Variants in USP4 observed in about 807,000 individuals in gnomAD.
USP4 encodes the protein ubiquitin carboxyl-terminal hydrolase 4.
USP4 carries 72 observed loss-of-function variants against 118.2 expected under a neutral mutation model. That is an observed-to-expected ratio of 0.61 (90% CI 0.50 to 0.74). USP4 has a LOEUF of 0.74. Ranked by LOEUF, USP4 falls within the 30% of genes least tolerant of loss-of-function variation. The pLI, the probability that USP4 is intolerant of heterozygous loss-of-function variation, is 0.00. For synonymous variants in USP4, 415 were observed against 440.4 expected (o/e 0.94, Z 0.72); for missense variants, 1,037 against 1,185.7 (o/e 0.87, Z 1.84).
intron 4 of USP4, 44 bp from the exon 5 acceptor site, chr3:49,325,083 A>C: frequency 1.9e-6 from 3 of 1,597,142 alleles, no homozygotes; most frequent in Non-Finnish European, 1.7e-6. Context: ...GTCCACATGC[A>C]AGGCTAAAGA....
chr3:49,325,129 T>C, intron 4 of USP4, 90 bp from the exon 5 acceptor site: 1 of 1,506,840 alleles, frequency 6.6e-7, no homozygotes, highest in Non-Finnish European at 9.0e-7. Flanking sequence ...CTCTTTCTTG[T>C]CAGATGCTCA....
intron 2 of USP4, 69 bp from the exon 3 acceptor site, chr3:49,327,885 A>G: frequency 7.0e-7 from 1 of 1,433,238 alleles, no homozygotes; most frequent in Non-Finnish European, 9.6e-7. Flanking sequence ...CATGATTTCC[A>G]TGTACTTTTC....
In USP4 at chr3:49,290,078, C is replaced by A. The variant is rs147380408; in HGVS notation, c.1972+2432G>T. Reference sequence around the variant, plus strand: ...TCAAGGCTGCAGTGAGCCATGATTGCGCCACTGTATTCCAGCCATATTCAA... The same window carrying A: ...TCAAGGCTGCAGTGAGCCATGATTGAGCCACTGTATTCCAGCCATATTCAA... On this transcript the variant is annotated intron_variant, in intron 15 of 21. Coordinates refer to ENST00000265560, the MANE Select transcript of USP4 (RefSeq NM_003363.4). Among the ~76,000 whole-genome samples the A allele has an allele frequency of 1.1e-4, 17 of 152,054 alleles. No individual in the cohort carries two copies. The East Asian group carries it at 2.9e-3, about 26-fold the overall frequency.
Position 49,311,473 on chromosome 3 carries a change from G to T in USP4, c.836+41C>A, listed in dbSNP as rs750361414. On this transcript the variant is annotated intron_variant, in intron 7 of 21. Coordinates refer to ENST00000265560, the MANE Select transcript of USP4 (RefSeq NM_003363.4). ...GCTCTCAAGATACAGCCTGGGAAAG[G>T]ACCACGGGAAAGGAAGCAGAGTGAA... 2.5e-6 allele frequency: 4 copies of T among 1,605,226 alleles called. No homozygotes were observed. The African/African-American group carries it at 5.4e-5, about 21-fold the overall frequency.
In USP4 at chr3:49,302,436, A is replaced by G; in HGVS notation, c.1235T>C (p.Val412Ala). Residue 412 changes from valine to alanine, a missense_variant, in exon 10 of 22, where the codon GTA becomes GCA. By Grantham distance (64) the Val-to-Ala change is moderately conservative. This residue lies in a region of USP4 where 487 missense variants were observed against 534.1 expected (regional missense o/e 0.91). Coordinates refer to ENST00000265560, the MANE Select transcript of USP4 (RefSeq NM_003363.4). ...LDGLHEDLNRVKKKPYLELKD... is the reference protein window; with the variant it reads ...LDGLHEDLNRAKKKPYLELKD... Reference sequence around the variant, plus strand: ...CAGCTCCAAGTAGGGCTTTTTCTTTACCCGGTTCAGATCTTCATGCAATCC... The same window carrying G: ...CAGCTCCAAGTAGGGCTTTTTCTTTGCCCGGTTCAGATCTTCATGCAATCC... The G allele has an allele frequency of 6.2e-7, 1 of 1,614,094 alleles. No individual in the cohort carries two copies. The highest frequency in any genetic ancestry group is 8.5e-7 in the Non-Finnish European group (1 of 1,180,008).
At chr3:49,281,467 A>G (rs904093024) in intron 19 of USP4, among the ~76,000 whole-genome samples, 1 of 143,970 alleles carries the variant, frequency 6.9e-6, no homozygotes, top group Non-Finnish European at 1.5e-5. Flanking sequence ...AAAAAGAAAA[A>G]AAGTATGTGT....
intron 2 of USP4, among the ~76,000 whole-genome samples, chr3:49,330,004 G>A (rs1002393033): frequency 5.3e-5 from 8 of 151,858 alleles, no homozygotes; most frequent in African/African-American, 1.9e-4. Flanking sequence ...GCCAGGTGGA[G>A]GGACGGGCAC....
chr3:49,319,835 T>C (rs559855030), intron 6 of USP4, among the ~76,000 whole-genome samples: 1 of 151,446 alleles, frequency 6.6e-6, no homozygotes, highest in Admixed American at 6.6e-5. Context: ...AGGCTGGTCT[T>C]GAACTCCTGA....
rs1209605474 is a variant in USP4 at position 49,302,604 on chromosome 3, G to T, written c.1129-62C>A. The T allele has an allele frequency of 2.6e-6, 4 of 1,534,216 alleles. No individual in the cohort carries two copies. In the East Asian group the frequency reaches 6.8e-5, roughly 26 times the overall value. ...GTAAAGAACTAGTTAAATCAAAAAA[G>T]AATTGCCATCAAAAATAGCTCTGAG... On this transcript the variant is annotated intron_variant, in intron 9 of 21. Coordinates refer to ENST00000265560, the MANE Select transcript of USP4 (RefSeq NM_003363.4).
At chr3:49,331,398 A>G (rs1433708111) in intron 2 of USP4, among the ~76,000 whole-genome samples, 1 of 151,910 alleles carries the variant, frequency 6.6e-6, no homozygotes, top group Non-Finnish European at 1.5e-5. Flanking sequence ...AGGCGGGTGG[A>G]TCACTTGAGG....
intron 8 of USP4, 129 bp downstream of exon 8, chr3:49,310,491 G>A: frequency 1.3e-6 from 1 of 777,764 alleles, no homozygotes; most frequent in Non-Finnish European, 2.3e-6. Flanking sequence ...TGCCCTAGCA[G>A]AGACTACTGA....
intron 2 of USP4, among the ~76,000 whole-genome samples, chr3:49,333,713 A>C (rs2047642547): frequency 6.6e-6 from 1 of 152,178 alleles, no homozygotes; most frequent in South Asian, 2.1e-4. Flanking sequence ...TCCCTTCATG[A>C]TGCCCCAAAA....
intron 15 of USP4, among the ~76,000 whole-genome samples, chr3:49,289,931 CCTTG>C (rs1575602634): frequency 6.6e-6 from 1 of 151,968 alleles, no homozygotes; most frequent in African/African-American, 2.4e-5. Context: ...CATGGGAAAA[CCTTG>C]CTTGTCTCCA....
At chr3:49,286,841 T>TCTATCTATCTAA (rs2047095862) in intron 15 of USP4, among the ~76,000 whole-genome samples, 1 of 151,430 alleles carries the variant, frequency 6.6e-6, no homozygotes, top group South Asian at 2.1e-4. Context: ...TATCTATCTA[T>TCTATCTATCTAA]CTATCTATCT....
intron 3 of USP4, among the ~76,000 whole-genome samples, chr3:49,327,037 A>G (rs566047124): frequency 3.9e-5 from 6 of 152,120 alleles, no homozygotes; most frequent in Admixed American, 6.6e-5. Flanking sequence ...GCAGTATCAT[A>G]AAGGTTTTTT....
At chr3:49,281,174 A>G (rs1427469244) in intron 19 of USP4, among the ~76,000 whole-genome samples, 1 of 151,912 alleles carries the variant, frequency 6.6e-6, no homozygotes, top group Non-Finnish European at 1.5e-5. Context: ...TACAAAAATT[A>G]GGCCGCGCAC....
intron 2 of USP4, among the ~76,000 whole-genome samples, chr3:49,330,613 A>G (rs180828719): frequency 6.1e-4 from 92 of 151,706 alleles, no homozygotes; most frequent in South Asian, 2.9e-3. Flanking sequence ...TAACAGGCGT[A>G]AGCCACTGCA....
At chr3:49,281,489 TATACACACACACACACAC>T (rs1164944321) in intron 19 of USP4, among the ~76,000 whole-genome samples, 10 of 109,082 alleles carry the variant, frequency 9.2e-5, no homozygotes, top group African/African-American at 3.3e-4. Flanking sequence ...TATATATATA[TATACACACACACACACAC>T]ACACACACAC....
chr3:49,310,216 C>A (rs1026257304), intron 8 of USP4, among the ~76,000 whole-genome samples: 1 of 152,012 alleles, frequency 6.6e-6, no homozygotes, highest in Non-Finnish European at 1.5e-5. Flanking sequence ...TGAGCCACTG[C>A]GCCCGGCTGG....
Sources: gnomAD v4.1 joint callset for allele counts (sites outside exome capture counted in the v4.1 genomes callset) on GRCh38, gnomAD v4.1.1 for gene constraint, gnomAD v4.1.1 regional missense constraint, MANE v1.5 for transcripts, NCBI Gene and HGNC (gene_info 2026-07-23, HGNC 2026-07-21) for gene names.